DGLUCY: variants seen among roughly 807,000 people sequenced by gnomAD.
DGLUCY encodes the protein D-glutamate cyclase.
Under a neutral mutation model 58.5 loss-of-function variants are expected in DGLUCY, and 58 were observed. The ratio of observed to expected loss-of-function variants is 0.99; its 90% CI spans 0.80 to 1.23. DGLUCY has a LOEUF of 1.23. DGLUCY is among the 50% of genes most tolerant of loss of function. DGLUCY has a pLI of 0.00. For synonymous variants in DGLUCY, 325 were observed against 314.1 expected (o/e 1.03, Z -0.37); for missense variants, 779 against 784.7 (o/e 0.99, Z 0.09).
At chr14:91,079,458 A>G (rs1413416464) in intron 1 of DGLUCY, among the ~76,000 whole-genome samples, 2 of 151,210 alleles carry the variant, frequency 1.3e-5, no homozygotes, top group Admixed American at 6.6e-5. Flanking sequence ...GGTTCAAGCA[A>G]TTCTCCTGCC....
intron 1 of DGLUCY, among the ~76,000 whole-genome samples, chr14:91,080,367 A>G (rs956356165): frequency 2.0e-5 from 3 of 152,146 alleles, no homozygotes; most frequent in African/African-American, 7.2e-5. Context: ...GGAAACTGAC[A>G]CTATTTATTT....
chr14:91,186,606 C>T (rs1327210826), intron 8 of DGLUCY, among the ~76,000 whole-genome samples: 3 of 152,122 alleles, frequency 2.0e-5, no homozygotes, highest in East Asian at 1.9e-4. Context: ...TATTAATATG[C>T]TGTTATTTAA....
intron 9 of DGLUCY, among the ~76,000 whole-genome samples, chr14:91,191,241 A>G (rs1426169831): frequency 6.6e-6 from 1 of 152,156 alleles, no homozygotes; most frequent in African/African-American, 2.4e-5. Flanking sequence ...TGACGTGCCT[A>G]GAGTAGGCAA....
At chr14:91,148,184 G>T (rs2047113394) in intron 1 of DGLUCY, among the ~76,000 whole-genome samples, 1 of 151,618 alleles carries the variant, frequency 6.6e-6, no homozygotes, top group Non-Finnish European at 1.5e-5. Context: ...AAAAAAGAAA[G>T]ATACACACAT....
rs933501798 is a variant in DGLUCY at position 91,084,020 on chromosome 14, G to A, written c.-82+23316G>A. 2.6e-5 allele frequency among the ~76,000 whole-genome samples: 4 copies of A among 152,100 alleles called. No homozygotes were observed. The South Asian group carries it at 8.3e-4, about 32-fold the overall frequency. On this transcript the variant is annotated intron_variant, in intron 1 of 4. Transcript: ENST00000521334. ...GTCTTCCTCCTTTGGGAAGTAGGGA[G>A]TTTCTCTGTCCTGTTCTTGCTGTGT...
Position 91,213,016 on chromosome 14 carries a change from A to AT in DGLUCY, c.1565-2388dup, listed in dbSNP as rs577704359. Among the ~76,000 whole-genome samples, 549 of 148,748 alleles carry AT rather than the reference A, an allele frequency of 3.7e-3. 4 individuals are homozygous for AT. Among genetic ancestry groups the AT allele is most frequent in the African/African-American group, 0.013 (515 of 39,836 alleles). On this transcript the variant is annotated intron_variant, in intron 12 of 13. Transcript: ENST00000256324. ...ACTCCGTCTCTAAAAAAAAAAAAAAATCCCACCACTTTGGGAAGCCAAGGC... is the reference window on the plus strand; with the variant it reads ...ACTCCGTCTCTAAAAAAAAAAAAAAATTCCCACCACTTTGGGAAGCCAAGGC...
chr14:91,177,491 A>G (rs1176736639), intron 7 of DGLUCY, among the ~76,000 whole-genome samples: 1 of 152,234 alleles, frequency 6.6e-6, no homozygotes, highest in Non-Finnish European at 1.5e-5. Context: ...CAAGGCCAGC[A>G]GCAGTACATT....
rs749722841 is a variant in DGLUCY at position 91,150,622 on chromosome 14, G to GT, written c.-81-7011dup. The stretch of plus-strand genomic sequence containing the variant: ...ATGCCAGCTAATTTTTTTAGTTTTT[G>GT]TTTTTTGTAGAGATGGGGGTCTCGC... On this transcript the variant is annotated intron_variant, in intron 1 of 13. Transcript: ENST00000256324. Among the ~76,000 whole-genome samples the GT allele has an allele frequency of 1.1e-4, 17 of 151,920 alleles. No homozygotes were observed. The East Asian group carries it at 2.3e-3, about 21-fold the overall frequency.
chr14:91,135,680 A>T (rs12883886), intron 1 of DGLUCY, among the ~76,000 whole-genome samples: 2 of 141,520 alleles, frequency 1.4e-5, no homozygotes. Flanking sequence ...AAAAACAAGT[A>T]TGGTATAGGC....
upstream of DGLUCY, among the ~76,000 whole-genome samples, chr14:91,112,720 C>A (rs146637394): frequency 1.1e-3 from 171 of 151,194 alleles, no homozygotes; most frequent in East Asian, 0.012. Flanking sequence ...CCAAAATGAA[C>A]AAATTAAAAA....
At chr14:91,170,874 G>A (rs1014947920) in intron 5 of DGLUCY, among the ~76,000 whole-genome samples, 3 of 152,314 alleles carry the variant, frequency 2.0e-5, no homozygotes, top group Admixed American at 6.5e-5. Flanking sequence ...TATTTATGGA[G>A]GACTTGGATC....
At position 91,204,606 on chromosome 14, in the gene DGLUCY, G is replaced by T. The variant is rs574764468; in HGVS notation, c.1445-100G>T. 169 of 1,472,596 alleles carry T rather than the reference G, an allele frequency of 1.1e-4. No individual in the cohort carries two copies. In the East Asian group the frequency reaches 3.6e-3, roughly 32 times the overall value. The allele number at this position is 1,472,596 out of a possible 1,614,324, so 91.2% of individuals were successfully genotyped here. On this transcript the variant is annotated intron_variant, in intron 11 of 13. Transcript: ENST00000256324. Reference sequence around the variant, plus strand: ...AAATATATCCAGAGCCAACCTTTTTGCCCTCCCAAAGGCAACAAGCACATG... The same window carrying T: ...AAATATATCCAGAGCCAACCTTTTTTCCCTCCCAAAGGCAACAAGCACATG...
chr14:91,206,401 G>A (rs1036536454), intron 12 of DGLUCY, among the ~76,000 whole-genome samples: 2 of 150,390 alleles, frequency 1.3e-5, no homozygotes, highest in African/African-American at 4.9e-5. Flanking sequence ...TTTCTTTTCT[G>A]AGACAGAGTC....
chr14:91,088,328 T>C (rs764498286), intron 1 of DGLUCY, among the ~76,000 whole-genome samples: 2 of 152,106 alleles, frequency 1.3e-5, no homozygotes, highest in Non-Finnish European at 2.9e-5. Context: ...ATAAGACAGT[T>C]TGAATGTGAT....
chr14:91,103,492 C>T (rs959759852), upstream of DGLUCY, among the ~76,000 whole-genome samples: 5 of 152,144 alleles, frequency 3.3e-5, no homozygotes, highest in African/African-American at 4.8e-5. Flanking sequence ...GCTCCCTCCT[C>T]TCCCCATCAC....
In DGLUCY at chr14:91,199,887, C is replaced by G; in HGVS notation, c.1426C>G (p.Pro476Ala). The G allele has an allele frequency of 6.2e-7, 1 of 1,614,136 alleles. No individual in the cohort carries two copies. The highest frequency in any genetic ancestry group is 8.5e-7 in the Non-Finnish European group (1 of 1,180,026). ...TCTTTTTCTTGCTGCGAAGAAGATT[C>G]CTGGAATCTCATCAACTGGTAAGTA... ...DDLFLAAKKI[P>A]GISSTGVGDG... Residue 476 changes from proline to alanine, a missense_variant, in exon 11 of 14, where the codon CCT becomes GCT. Pro to Ala is a conservative substitution (Grantham distance 27). Transcript: ENST00000256324.
chr14:91,201,065 A>G (rs1019310195), intron 11 of DGLUCY, among the ~76,000 whole-genome samples: 2 of 152,124 alleles, frequency 1.3e-5, no homozygotes, highest in Admixed American at 1.3e-4. Flanking sequence ...TCACAAGGGC[A>G]GGGGAATATC....
rs1595892537 is a variant in DGLUCY at position 91,196,442 on chromosome 14, C to T, written c.1263C>T (p.Phe421=). ...GATCAGTGGAAGCTGCTCAGGCATT[C>T]CTGTGCAAAAATGGGGACCCGCAGA... is the stretch of plus-strand genomic sequence containing the variant. The part of the protein sequence containing the change: ...QGGSVEAAQA[F]LCKNGDPQTP... Residue 421 remains phenylalanine, a synonymous_variant, in exon 10 of 14, where the codon TTC becomes TTT. Transcript: ENST00000256324. The T allele has an allele frequency of 6.2e-7, 1 of 1,614,100 alleles. No individual in the cohort carries two copies. The highest frequency in any genetic ancestry group is 8.5e-7 in the Non-Finnish European group (1 of 1,180,020).
At chr14:91,100,276 G>C (rs2044464601) in intron 1 of DGLUCY, among the ~76,000 whole-genome samples, 1 of 152,126 alleles carries the variant, frequency 6.6e-6, no homozygotes, top group African/African-American at 2.4e-5. Flanking sequence ...GGTGTTAGGG[G>C]CTATTTTGGT....
Sources: allele counts gnomAD v4.1 joint callset (sites outside exome capture counted in the v4.1 genomes callset), GRCh38; gene constraint gnomAD v4.1.1; transcripts MANE v1.5; gene names NCBI Gene and HGNC (gene_info 2026-07-23, HGNC 2026-07-21).